Variants in MSH3 observed in about 807,000 individuals in gnomAD.
MSH3 encodes the protein DNA mismatch repair protein Msh3.
In MSH3, 106 loss-of-function variants were observed where a neutral mutation model predicts 123.3. The ratio of observed to expected loss-of-function variants is 0.86; its 90% CI spans 0.73 to 1.01. MSH3 has a LOEUF of 1.01. Ranked by LOEUF, MSH3 falls within the 50% of genes least tolerant of loss-of-function variation. The pLI, the probability that MSH3 is intolerant of heterozygous loss-of-function variation, is 0.00. For synonymous variants in MSH3, 515 were observed against 481.4 expected, an observed-to-expected ratio of 1.07 and a Z score of -0.91; for missense variants, 1,459 against 1,347.6, an observed-to-expected ratio of 1.08 and a Z score of -1.29.
chr5:80,678,180 C>G (rs1749884412), intron 7 of MSH3, among the ~76,000 whole-genome samples: 1 of 152,190 alleles, frequency 6.6e-6, no homozygotes, highest in Non-Finnish European at 1.5e-5. Context: ...TCCGTAGTGG[C>G]TAACAGTGTG....
Position 80,744,596 on chromosome 5 carries a change from C to T in MSH3, c.1744C>T (p.Gln582Ter), listed in dbSNP as rs750104015. Residue 582 changes from glutamine (Q) to a stop codon, truncating the protein, a stop_gained, in exon 12 of 24, where the codon CAG becomes TAG. Transcript: ENST00000265081. LOFTEE classifies it high-confidence loss of function. ...GRRKLKKWVT[Q>*]PLLKLREINA... ...ACGGAAGTTAAAGAAGTGGGTGACC[C>T]AGCCACTCCTTAAATTAAGGTAAAA... 6.2e-7 allele frequency: 1 copy of T among 1,612,554 alleles called. No individual in the cohort carries two copies. Among genetic ancestry groups the T allele is most frequent in the South Asian group, 1.1e-5 (1 of 90,990 alleles).
intron 20 of MSH3, among the ~76,000 whole-genome samples, chr5:80,840,141 G>A (rs1745589266): frequency 6.6e-6 from 1 of 152,086 alleles, no homozygotes; most frequent in African/African-American, 2.4e-5. Context: ...ATTATTACTG[G>A]TGTATTATCT....
intron 8 of MSH3, among the ~76,000 whole-genome samples, chr5:80,681,599 A>G (rs1426622561): frequency 6.6e-6 from 1 of 151,540 alleles, no homozygotes; most frequent in African/African-American, 2.4e-5. Flanking sequence ...CCTGTCTTTG[A>G]TTTAGTTCAT....
At chr5:80,786,460 G>T (rs1448569374) in intron 17 of MSH3, among the ~76,000 whole-genome samples, 1 of 152,028 alleles carries the variant, frequency 6.6e-6, no homozygotes, top group Non-Finnish European at 1.5e-5. Context: ...TTTCCTTTTG[G>T]ACCTATTTAC....
chr5:80,811,915 TATC>T (rs564611962), intron 19 of MSH3, among the ~76,000 whole-genome samples: 130 of 152,306 alleles, frequency 8.5e-4, no homozygotes, highest in Middle Eastern at 3.4e-3. Flanking sequence ...TCATTATTTT[TATC>T]ATTGTTTTAT....
intron 17 of MSH3, among the ~76,000 whole-genome samples, chr5:80,784,863 T>C (rs1744475748): frequency 6.6e-6 from 1 of 152,230 alleles, no homozygotes; most frequent in Non-Finnish European, 1.5e-5. Flanking sequence ...TTATGTTCTA[T>C]CTACTCAGTA....
chr5:80,845,434 T>G (rs970554174), intron 20 of MSH3, among the ~76,000 whole-genome samples: 1 of 152,200 alleles, frequency 6.6e-6, no homozygotes, highest in African/African-American at 2.4e-5. Context: ...TTTCCTGAAT[T>G]TGAATGTTGG....
At chr5:80,844,842 G>A (rs546993025) in intron 20 of MSH3, among the ~76,000 whole-genome samples, 2 of 152,078 alleles carry the variant, frequency 1.3e-5, no homozygotes, top group Admixed American at 1.3e-4. Flanking sequence ...GATGGGTGTT[G>A]ACTCTTTCTC....
chr5:80,747,454 C>T (rs1035541224), intron 12 of MSH3, among the ~76,000 whole-genome samples: 2 of 152,168 alleles, frequency 1.3e-5, no homozygotes, highest in Non-Finnish European at 1.5e-5. Context: ...ACTGACCTAA[C>T]ACTGATGTTA....
intron 8 of MSH3, among the ~76,000 whole-genome samples, chr5:80,713,369 G>A (rs1055444255): frequency 6.6e-6 from 1 of 152,148 alleles, no homozygotes; most frequent in Non-Finnish European, 1.5e-5. Context: ...ATGTGAAAAG[G>A]ATTTCTTTTT....
chr5:80,718,501 T>G (rs1751008086), intron 8 of MSH3, among the ~76,000 whole-genome samples: 1 of 151,406 alleles, frequency 6.6e-6, no homozygotes, highest in Non-Finnish European at 1.5e-5. Context: ...TTTGGTTTTT[T>G]TTTTTTTTTT....
chr5:80,690,988 A>G (rs949601527), intron 8 of MSH3, among the ~76,000 whole-genome samples: 7 of 152,010 alleles, frequency 4.6e-5, no homozygotes, highest in Non-Finnish European at 1.0e-4. Context: ...GTCCATGAAA[A>G]TAATTAAACT....
At chr5:80,720,340 AC>A (rs1751053181) in intron 8 of MSH3, among the ~76,000 whole-genome samples, 2 of 152,200 alleles carry the variant, frequency 1.3e-5, no homozygotes, top group East Asian at 1.9e-4. Context: ...CTCTTTGCCA[AC>A]TTTGTACCTT....
At chr5:80,675,710 G>A (rs1749824872) in intron 7 of MSH3, among the ~76,000 whole-genome samples, 1 of 152,164 alleles carries the variant, frequency 6.6e-6, no homozygotes, top group African/African-American at 2.4e-5. Flanking sequence ...TCTATGCTAT[G>A]GAGAGATCCA....
chr5:80,787,378 A>G (rs375212523), intron 17 of MSH3, among the ~76,000 whole-genome samples, 187 bp from the exon 18 acceptor site: 22 of 152,376 alleles, frequency 1.4e-4, no homozygotes, highest in South Asian at 1.2e-3. Context: ...AGAAGCCTCA[A>G]TAATTTAGTT....
At chr5:80,683,084 C>T (rs896107871) in intron 8 of MSH3, among the ~76,000 whole-genome samples, 1 of 152,178 alleles carries the variant, frequency 6.6e-6, no homozygotes, top group African/African-American at 2.4e-5. Flanking sequence ...ATATGTACTA[C>T]ATTTTCTTTA....
chr5:80,731,662 T>A (rs1223846320), intron 10 of MSH3, among the ~76,000 whole-genome samples: 1 of 152,166 alleles, frequency 6.6e-6, no homozygotes, highest in Non-Finnish European at 1.5e-5. Context: ...GTACTCTAGT[T>A]TTGCTTAAAA....
chr5:80,716,721 C>A (rs998609331), intron 8 of MSH3, among the ~76,000 whole-genome samples: 2 of 152,122 alleles, frequency 1.3e-5, no homozygotes, highest in African/African-American at 2.4e-5. Context: ...CACAACATTT[C>A]TTTATGTCAG....
chr5:80,709,592 A>T (rs1176211812), intron 8 of MSH3, among the ~76,000 whole-genome samples: 1 of 152,200 alleles, frequency 6.6e-6, no homozygotes, highest in Non-Finnish European at 1.5e-5. Context: ...AGATCGCGCC[A>T]CTGCACTCCA....
Sources: gnomAD v4.1 joint callset for allele counts (sites outside exome capture counted in the v4.1 genomes callset) on GRCh38, gnomAD v4.1.1 for gene constraint, MANE v1.5 for transcripts, NCBI Gene and HGNC (gene_info 2026-07-23, HGNC 2026-07-21) for gene names.